Variants in FSIP2 observed in about 807,000 individuals in gnomAD.
The protein encoded by FSIP2 is fibrous sheath interacting protein 2.
A neutral mutation model predicts 510.5 loss-of-function variants in FSIP2; 367 were observed. The observed-to-expected ratio is 0.72, with a 90% CI of 0.66 to 0.78. The LOEUF is 0.78. FSIP2 is among the 30% of genes least tolerant of loss of function. The pLI is 0.00. For synonymous variants in FSIP2, 2,601 were observed against 2,732.2 expected (o/e 0.95, Z 1.50); for missense variants, 7,594 against 7,901.7 (o/e 0.96, Z 1.48).
intron 18 of FSIP2, 34 bp from the exon 19 acceptor site, chr2:185,815,337 C>T (rs1241826258): frequency 1.3e-5 from 12 of 915,998 alleles, no homozygotes; most frequent in Non-Finnish European, 2.1e-5. Context: ...TCCCAAACTC[C>T]ATTTAGTGTA....
chr2:185,761,953 T>A lies in FSIP2; in HGVS notation c.1195-19T>A. 7.1e-7 allele frequency: 1 copy of A among 1,406,064 alleles called. No homozygotes were observed. Among genetic ancestry groups the A allele is most frequent in the Non-Finnish European group, 9.6e-7 (1 of 1,040,878 alleles). The allele number at this position is 1,406,064 out of a possible 1,614,324, so 87.1% of individuals were successfully genotyped here. A position where few individuals can be genotyped will look rare whatever the true frequency, so the allele number is the denominator to read the frequency against. ...CAGTTACTAATGTAATTTTTTCTCT[T>A]CAATGTGGTACCATGTAGAGAGATG... On this transcript the variant is annotated intron_variant, in intron 10 of 22. Coordinates refer to ENST00000424728, the MANE Select transcript of FSIP2 (RefSeq NM_173651.4).
chr2:185,813,394 T>A (rs1693773650), intron 17 of FSIP2, 151 bp from the exon 18 acceptor site: 1 of 447,714 alleles, frequency 2.2e-6, no homozygotes, highest in Admixed American at 4.2e-5. Flanking sequence ...TTATTTCTTT[T>A]AAAAATATTG....
chr2:185,806,734 G>C lies in FSIP2; in HGVS notation c.17428G>C (p.Asp5810His), dbSNP rs1432392070. 1 of 1,610,954 alleles carries C rather than the reference G, an allele frequency of 6.2e-7. No individual in the cohort carries two copies. The highest frequency in any genetic ancestry group is 1.3e-5 in the African/African-American group (1 of 74,718). The change falls in exon 17 of 23, where the codon GAT (aspartate) becomes CAT (histidine). Residue 5810 changes from aspartate (D) to histidine (H), a missense_variant. Transcript: ENST00000424728. Reference protein sequence around the residue: ...FSSIPETQIQDRCQNVSDKQN... With the variant: ...FSSIPETQIQHRCQNVSDKQN... ...TTCTATACCAGAAACACAAATACAA[G>C]ATAGATGTCAAAATGTTAGTGATAA...
intron 14 of FSIP2, among the ~76,000 whole-genome samples, chr2:185,785,984 G>A (rs896700707): frequency 6.6e-6 from 1 of 151,848 alleles, no homozygotes. Context: ...AAGGTGTGTT[G>A]GAAGTATAAG....
rs1559028871 is a variant in FSIP2, at chr2:185,794,748, G to T, written c.7612G>T (p.Val2538Leu). 6.5e-7 allele frequency: 1 copy of T among 1,534,094 alleles called. No individual in the cohort carries two copies. Among genetic ancestry groups the T allele is most frequent in the East Asian group, 2.5e-5 (1 of 40,806 alleles). The change falls in exon 16 of 23, where the codon GTA becomes TTA. Residue 2538 changes from valine (V) to leucine (L), a missense_variant. By Grantham distance (32) the Val-to-Leu change is conservative (BLOSUM62 1). Coordinates refer to ENST00000424728, the MANE Select transcript of FSIP2 (RefSeq NM_173651.4). ...KNSFQSHINSVANDIVESVLG... is the reference protein window; with the variant it reads ...KNSFQSHINSLANDIVESVLG... ...CAGTTTTCAATCACATATTAACAGT[G>T]TAGCAAATGACATAGTTGAAAGTGT...
chr2:185,801,533 C>T lies in FSIP2; in HGVS notation c.12227C>T (p.Ala4076Val). Residue 4076 changes from alanine (A) to valine (V), a missense_variant, in exon 17 of 23, where the codon GCA becomes GTA. Transcript: ENST00000424728. ...NNPVYDNASI[A>V]EQITNGILLE... ...CCGGTATACGACAATGCCTCAATAG[C>T]AGAACAAATAACAAATGGCATATTG... 6.5e-7 allele frequency: 1 copy of T among 1,533,924 alleles called. No homozygotes were observed. Among genetic ancestry groups the T allele is most frequent in the African/African-American group, 1.4e-5 (1 of 72,962 alleles).
chr2:185,802,370 A>G lies in FSIP2; in HGVS notation c.13064A>G (p.Tyr4355Cys), dbSNP rs1693459841. The G allele has an allele frequency of 2.0e-6, 3 of 1,532,838 alleles. No homozygotes were observed. The highest frequency in any genetic ancestry group is 2.0e-5 in the Admixed American group (1 of 50,658). 95.0% of individuals were successfully genotyped at this position (1,532,838 alleles called of 1,614,324 possible). A position where few individuals can be genotyped will look rare whatever the true frequency, so the allele number is the denominator to read the frequency against. ...HFNKAKIHIL[Y>C]DDKEQAFFSF... The stretch of plus-strand genomic sequence containing the variant: ...AATAAAGCTAAAATTCACATTCTCT[A>G]TGATGACAAAGAACAGGCTTTCTTT... The change falls in exon 17 of 23, where the codon TAT becomes TGT. Residue 4355 changes from tyrosine (Y) to cysteine (C), a missense_variant. Tyr to Cys is a radical substitution (Grantham distance 194). Coordinates refer to ENST00000424728, the MANE Select transcript of FSIP2 (RefSeq NM_173651.4).
rs2105646452 is a variant in FSIP2 at position 185,804,474 on chromosome 2, A to C, written c.15168A>C (p.Lys5056Asn). The C allele has an allele frequency of 6.6e-7, 1 of 1,517,486 alleles. No homozygotes were observed. The highest frequency in any genetic ancestry group is 1.2e-5 in the South Asian group (1 of 81,556). 94.0% of individuals were successfully genotyped at this position (1,517,486 alleles called of 1,614,324 possible). A position where few individuals can be genotyped will look rare whatever the true frequency, so the allele number is the denominator to read the frequency against. Residue 5056 changes from lysine to asparagine, a missense_variant, in exon 17 of 23, where the codon AAA (lysine) becomes AAC (asparagine). Transcript: ENST00000424728. ...GTGACACAATATGTTTTGGTAGGAA[A>C]ATATATTATTTGCTATTGGAAGAAA... ...IQSDTICFGRKIYYLLLEEIY... is the reference protein window; with the variant it reads ...IQSDTICFGRNIYYLLLEEIY...
Position 185,805,400 on chromosome 2 carries a change from C to A in FSIP2, c.16094C>A (p.Ser5365Tyr), listed in dbSNP as rs780961763. Residue 5365 changes from serine to tyrosine, a missense_variant, in exon 17 of 23, where the codon TCT becomes TAT. By Grantham distance (144) the Ser-to-Tyr change is moderately radical. Transcript: ENST00000424728. ...VYEQFIEKCTSHDIQKGDESN... is the reference protein window; with the variant it reads ...VYEQFIEKCTYHDIQKGDESN... ...GAACAGTTCATAGAAAAATGCACAT[C>A]TCATGATATTCAAAAAGGTGATGAA... 8.3e-5 allele frequency: 133 copies of A among 1,602,288 alleles called. No homozygotes were observed. The highest frequency in any genetic ancestry group is 1.1e-4 in the Non-Finnish European group (127 of 1,175,236).
chr2:185,739,178 G>C, intron 1 of FSIP2, 168 bp from the exon 2 acceptor site: 2 of 1,124,436 alleles, frequency 1.8e-6, no homozygotes, highest in Non-Finnish European at 2.4e-6. Context: ...TGGCAGGCGC[G>C]GGACGCCAGG....
Position 185,806,091 on chromosome 2 carries a change from T to C in FSIP2, c.16785T>C (p.Tyr5595=), listed in dbSNP as rs1693568052. The C allele has an allele frequency of 1.1e-5, 18 of 1,576,680 alleles. No homozygotes were observed. The highest frequency in any genetic ancestry group is 1.5e-5 in the Non-Finnish European group (17 of 1,165,384). ...HFSLIIDDTE[Y]EKEVLGSDSE... is the part of the protein sequence containing the mutation. ...CATTAATAATTGATGATACAGAATA[T>C]GAGAAGGAAGTACTTGGATCAGATT... Residue 5595 remains tyrosine, a synonymous_variant, in exon 17 of 23, where the codon TAT becomes TAC. Coordinates refer to ENST00000424728, the MANE Select transcript of FSIP2 (RefSeq NM_173651.4).
At chr2:185,742,447 G>T (rs938191418) in intron 2 of FSIP2, among the ~76,000 whole-genome samples, 1 of 152,008 alleles carries the variant, frequency 6.6e-6, no homozygotes, top group Admixed American at 6.6e-5. Context: ...AGGTGTATTT[G>T]GTCTTCACAC....
intron 7 of FSIP2, among the ~76,000 whole-genome samples, chr2:185,749,764 C>T (rs371120462): frequency 2.6e-5 from 4 of 151,658 alleles, no homozygotes; most frequent in South Asian, 2.1e-4. Flanking sequence ...AGGATTAAGT[C>T]GTCGCCATTA....
chr2:185,762,493 C>T (rs908200137), intron 11 of FSIP2, among the ~76,000 whole-genome samples: 1 of 151,320 alleles, frequency 6.6e-6, no homozygotes, highest in African/African-American at 2.4e-5. Context: ...ATACAGAAAA[C>T]ATGAGACATC....
chr2:185,793,325 G>A lies in FSIP2; in HGVS notation c.6189G>A (p.Glu2063=). Residue 2063 remains glutamate, a synonymous_variant, in exon 16 of 23, where the codon GAG becomes GAA. Transcript: ENST00000424728. ...GTGACAAAAACAGTTCTGACAAAGA[G>A]ATCGATTTAGATCAGCAAAAAGGTG... The part of the protein sequence containing the change: ...GKCDKNSSDK[E]IDLDQQKGVI... The A allele has an allele frequency of 1.3e-6, 2 of 1,534,198 alleles. No individual in the cohort carries two copies. The highest frequency in any genetic ancestry group is 2.4e-5 in the South Asian group (2 of 84,002).
chr2:185,777,646 A>G (rs1692755218), intron 13 of FSIP2, among the ~76,000 whole-genome samples: 1 of 152,066 alleles, frequency 6.6e-6, no homozygotes, highest in Non-Finnish European at 1.5e-5. Context: ...TAATTTATGT[A>G]TCTGTTAAGG....
Position 185,808,261 on chromosome 2 carries a change from A to G in FSIP2, c.18955A>G (p.Met6319Val), listed in dbSNP as rs577010652. 19 of 1,601,138 alleles carry G rather than the reference A, an allele frequency of 1.2e-5. No homozygotes were observed. In the South Asian group the frequency reaches 1.5e-4, roughly 12 times the overall value. The change falls in exon 17 of 23, where the codon ATG (methionine) becomes GTG (valine). Residue 6319 changes from methionine to valine, a missense_variant. Coordinates refer to ENST00000424728, the MANE Select transcript of FSIP2 (RefSeq NM_173651.4). ...SELVLEAVKI[M>V]EKVIKIIDEL... Reference sequence around the variant, plus strand: ...ATTAGTTCTGGAAGCTGTCAAAATTATGGAAAAAGTGATCAAAATTATTGA... The same window carrying G: ...ATTAGTTCTGGAAGCTGTCAAAATTGTGGAAAAAGTGATCAAAATTATTGA...
At position 185,808,712 on chromosome 2, in the gene FSIP2, C is replaced by G. The variant is rs749558687; in HGVS notation, c.19406C>G (p.Thr6469Arg). ...GGAGTTTCAAGTTTTCCATTAGATA[C>G]AATTAACTCAACAATTTCAAATGCT... ...IDGVSSFPLDTINSTISNADL... is the reference protein window; with the variant it reads ...IDGVSSFPLDRINSTISNADL... Residue 6469 changes from threonine (T) to arginine (R), a missense_variant, in exon 17 of 23, where the codon ACA (threonine) becomes AGA (arginine). Coordinates refer to ENST00000424728, the MANE Select transcript of FSIP2 (RefSeq NM_173651.4). The G allele has an allele frequency of 6.2e-7, 1 of 1,611,502 alleles. No homozygotes were observed. The highest frequency in any genetic ancestry group is 8.5e-7 in the Non-Finnish European group (1 of 1,178,508).
chr2:185,809,283 T>G, intron 17 of FSIP2, 150 bp downstream of exon 17: 1 of 817,296 alleles, frequency 1.2e-6, no homozygotes, highest in Non-Finnish European at 1.8e-6. Flanking sequence ...AGTTCATCCA[T>G]ACAGTCATAT....
Sources: gnomAD v4.1 joint callset for allele counts (sites outside exome capture counted in the v4.1 genomes callset) on GRCh38, gnomAD v4.1.1 for gene constraint, MANE v1.5 for transcripts, NCBI Gene and HGNC (gene_info 2026-07-23, HGNC 2026-07-21) for gene names.